Variants in ELF1 observed in about 807,000 individuals in gnomAD.
ELF1 encodes the protein E74 like ETS transcription factor 1, also known as ETS-related transcription factor Elf-1.
Under a neutral mutation model 59.9 loss-of-function variants are expected in ELF1, and 24 were observed. That is an observed-to-expected ratio of 0.40 (90% confidence interval 0.29 to 0.56). The LOEUF is 0.56. Among genes scored for constraint, ELF1 ranks in the 20% least tolerant of loss-of-function variants. ELF1 has a pLI of 0.44. For missense variants in ELF1, 627 were observed against 742.2 expected, an observed-to-expected ratio of 0.84 and a Z score of 1.80; for synonymous variants, 248 against 266.2, an observed-to-expected ratio of 0.93 and a Z score of 0.67.
chr13:41,049,623 C>T (rs1407475888), intron 1 of ELF1, among the ~76,000 whole-genome samples: 1 of 152,194 alleles, frequency 6.6e-6, no homozygotes, highest in Non-Finnish European at 1.5e-5. Context: ...TTCCTCCTTG[C>T]AGACCATTTG....
chr13:41,047,457 G>C (rs561811612), intron 1 of ELF1, among the ~76,000 whole-genome samples: 1 of 152,228 alleles, frequency 6.6e-6, no homozygotes, highest in South Asian at 2.1e-4. Flanking sequence ...TGGGCTTTTG[G>C]TGTGGATGTC....
At chr13:40,971,532 T>A (rs752459845) in intron 2 of ELF1, among the ~76,000 whole-genome samples, 1 of 152,220 alleles carries the variant, frequency 6.6e-6, no homozygotes, top group Non-Finnish European at 1.5e-5. Context: ...ATTGCAGGCA[T>A]GCGCCACTGC....
chr13:41,010,656 T>C (rs1480711857), intron 1 of ELF1, among the ~76,000 whole-genome samples: 1 of 152,150 alleles, frequency 6.6e-6, no homozygotes, highest in Non-Finnish European at 1.5e-5. Flanking sequence ...GAATAGTTTT[T>C]ATTTTTTGTT....
In ELF1 at chr13:40,986,937, C is replaced by CT. The variant is rs1555276215; in HGVS notation, c.-228-4656dup. ...AATATATTTTTAGAAAATCATTGCT[C>CT]TTTTTTTTTTTTTTTTTTGAGTGGG... is the stretch of plus-strand genomic sequence containing the variant. On this transcript the variant is annotated intron_variant, in intron 1 of 8. Transcript: ENST00000239882. Among the ~76,000 whole-genome samples, 16 of 126,878 alleles carry CT rather than the reference C, an allele frequency of 1.3e-4. 3 individuals are homozygous for CT. The highest frequency in any genetic ancestry group is 5.0e-4 in the South Asian group (2 of 4,006). 83.2% of individuals were successfully genotyped at this position (126,878 alleles called of 152,430 possible).
chr13:41,056,505 T>C (rs1329604562), intron 1 of ELF1, among the ~76,000 whole-genome samples: 1 of 152,216 alleles, frequency 6.6e-6, no homozygotes, highest in Non-Finnish European at 1.5e-5. Flanking sequence ...GGAGTGGAAA[T>C]ACTGGATCAT....
intron 6 of ELF1, among the ~76,000 whole-genome samples, chr13:40,943,627 G>T (rs1434955513): frequency 6.6e-6 from 1 of 152,256 alleles, no homozygotes; most frequent in East Asian, 1.9e-4. Flanking sequence ...GAAAAGAATA[G>T]ATTATTTTGA....
chr13:41,001,873 G>GAA (rs35703984), intron 1 of ELF1, among the ~76,000 whole-genome samples: 1 of 145,500 alleles, frequency 6.9e-6, no homozygotes, highest in Non-Finnish European at 1.5e-5. Flanking sequence ...TTGCTTCAAA[G>GAA]AAAAAAAAAA....
chr13:41,053,590 A>G (rs958305277), intron 1 of ELF1, among the ~76,000 whole-genome samples: 17 of 152,104 alleles, frequency 1.1e-4, no homozygotes, highest in African/African-American at 4.1e-4. Flanking sequence ...CACAAATTTC[A>G]AGCCCTAAAT....
At chr13:41,007,472 T>C (rs759029323) in intron 1 of ELF1, among the ~76,000 whole-genome samples, 2 of 152,158 alleles carry the variant, frequency 1.3e-5, no homozygotes, top group Non-Finnish European at 2.9e-5. Context: ...CCTTTTGCTG[T>C]AAAAATAAGG....
intron 2 of ELF1, among the ~76,000 whole-genome samples, chr13:40,969,196 G>C (rs1341558328): frequency 2.0e-5 from 3 of 152,060 alleles, no homozygotes; most frequent in Non-Finnish European, 2.9e-5. Context: ...AAATGTATTT[G>C]GGAAAAAGTA....
intron 5 of ELF1, among the ~76,000 whole-genome samples, chr13:40,945,723 T>A (rs1219908621): frequency 6.6e-6 from 1 of 152,228 alleles, no homozygotes; most frequent in East Asian, 1.9e-4. Context: ...TTCATTTAAT[T>A]CTCCATGTCT....
chr13:40,950,919 A>AAATT (rs1158967768), intron 4 of ELF1, among the ~76,000 whole-genome samples: 4 of 152,234 alleles, frequency 2.6e-5, no homozygotes, highest in Non-Finnish European at 4.4e-5. Flanking sequence ...AGGAATTTTA[A>AAATT]AGCAGATCAA....
chr13:41,014,658 A>G (rs1875254548), intron 1 of ELF1, among the ~76,000 whole-genome samples: 2 of 152,174 alleles, frequency 1.3e-5, no homozygotes, highest in Non-Finnish European at 2.9e-5. Context: ...TTGACTCAAT[A>G]ATGGTACTAA....
intron 1 of ELF1, among the ~76,000 whole-genome samples, chr13:41,050,040 C>A (rs956455845): frequency 6.6e-6 from 1 of 152,138 alleles, no homozygotes; most frequent in African/African-American, 2.4e-5. Flanking sequence ...TAAAGTAGAA[C>A]AAAACGTATT....
chr13:41,051,560 A>C (rs1877089195), intron 1 of ELF1, among the ~76,000 whole-genome samples: 2 of 152,172 alleles, frequency 1.3e-5, no homozygotes, highest in African/African-American at 4.8e-5. Flanking sequence ...ACACACACAC[A>C]CACCTGAAAA....
intron 2 of ELF1, among the ~76,000 whole-genome samples, chr13:40,981,226 C>T (rs867551748): frequency 3.9e-5 from 6 of 152,208 alleles, no homozygotes; most frequent in Non-Finnish European, 7.4e-5. Flanking sequence ...CTCTCCAACA[C>T]GTACACTATT....
intron 2 of ELF1, among the ~76,000 whole-genome samples, chr13:40,974,002 C>T (rs1159306744): frequency 2.6e-5 from 4 of 152,108 alleles, no homozygotes; most frequent in African/African-American, 7.2e-5. Flanking sequence ...ATTAGTAGTT[C>T]CCAGGAGCTA....
intron 1 of ELF1, among the ~76,000 whole-genome samples, chr13:41,054,271 A>C (rs1238019435): frequency 6.6e-6 from 1 of 152,244 alleles, no homozygotes; most frequent in Admixed American, 6.5e-5. Flanking sequence ...CAGAGAAAAA[A>C]TTAATTTCAA....
intron 2 of ELF1, among the ~76,000 whole-genome samples, chr13:40,960,486 T>C (rs1871746808): frequency 6.6e-6 from 1 of 152,236 alleles, no homozygotes. Context: ...AGATTCAGTT[T>C]GCATTTTTGG....
Sources: allele counts gnomAD v4.1 joint callset (sites outside exome capture counted in the v4.1 genomes callset), GRCh38; gene constraint gnomAD v4.1.1; transcripts MANE v1.5; gene names NCBI Gene and HGNC (gene_info 2026-07-23, HGNC 2026-07-21).